INPP4B: variants seen among roughly 807,000 people sequenced by gnomAD.
INPP4B encodes inositol polyphosphate 4-phosphatase type II.
A neutral mutation model predicts 122.5 loss-of-function variants in INPP4B; 55 were observed. The ratio of observed to expected loss-of-function variants is 0.45; its 90% CI spans 0.36 to 0.56. The LOEUF (loss-of-function observed/expected upper bound fraction) is 0.56. INPP4B is among the 20% of genes least tolerant of loss of function. The probability of loss-of-function intolerance (pLI) is 0.00; values close to 1 mark genes in which losing one functional copy is unlikely to be tolerated. For missense variants in INPP4B, 1,000 were observed against 1,097.7 expected, an observed-to-expected ratio of 0.91 and a Z score of 1.26; for synonymous variants, 403 against 388.7, an observed-to-expected ratio of 1.04 and a Z score of -0.43.
intron 18 of INPP4B, among the ~76,000 whole-genome samples, chr4:142,128,342 TACACACACACACACACAC>T (rs3836673): frequency 3.4e-5 from 5 of 147,462 alleles, no homozygotes; most frequent in African/African-American, 5.1e-5. Context: ...CGTACTTTTA[TACACACACACACACACAC>T]ACACACACAC....
At chr4:142,179,691 T>A (rs1829971471) in intron 15 of INPP4B, among the ~76,000 whole-genome samples, 1 of 152,206 alleles carries the variant, frequency 6.6e-6, no homozygotes. Context: ...TCTAAACCAA[T>A]GAAACGTCTT....
At chr4:142,389,884 G>A (rs909923000) in intron 7 of INPP4B, among the ~76,000 whole-genome samples, 1 of 152,130 alleles carries the variant, frequency 6.6e-6, no homozygotes, top group African/African-American at 2.4e-5. Flanking sequence ...TTTGCCTAGA[G>A]GATGAAAGGA....
chr4:142,290,502 T>C (rs1228966291), intron 9 of INPP4B, among the ~76,000 whole-genome samples: 1 of 152,008 alleles, frequency 6.6e-6, no homozygotes, highest in African/African-American at 2.4e-5. Flanking sequence ...CACCGTGCCC[T>C]GCTGGCCTTA....
intron 2 of INPP4B, among the ~76,000 whole-genome samples, chr4:142,507,543 C>T (rs1018155695): frequency 2.0e-5 from 3 of 151,920 alleles, no homozygotes; most frequent in East Asian, 1.9e-4. Flanking sequence ...GTTCCTACTA[C>T]GTGTCAGGCC....
intron 2 of INPP4B, among the ~76,000 whole-genome samples, chr4:142,704,110 G>C (rs1245726057): frequency 6.6e-6 from 1 of 152,146 alleles, no homozygotes; most frequent in African/African-American, 2.4e-5. Context: ...GGATGCAACG[G>C]GATGGCAAGA....
chr4:142,154,150 T>C (rs1815915988), intron 17 of INPP4B, among the ~76,000 whole-genome samples: 1 of 152,000 alleles, frequency 6.6e-6, no homozygotes, highest in African/African-American at 2.4e-5. Context: ...GCTTTGAGTG[T>C]TCCCTCCTCC....
intron 12 of INPP4B, among the ~76,000 whole-genome samples, chr4:142,224,855 CAAGAT>C (rs2149753542): frequency 6.6e-6 from 1 of 151,876 alleles, no homozygotes; most frequent in South Asian, 2.1e-4. Context: ...CTGTGATATC[CAAGAT>C]AAGGCGCGTG....
At chr4:142,029,914 C>A in intron 25 of INPP4B, 1 of 1,227,852 alleles carries the variant, frequency 8.1e-7, no homozygotes, top group East Asian at 3.4e-5. Flanking sequence ...AGCTAGTTAA[C>A]AGTGGGAAAC....
At chr4:142,508,231 A>G (rs1394689998) in intron 2 of INPP4B, among the ~76,000 whole-genome samples, 2 of 151,948 alleles carry the variant, frequency 1.3e-5, no homozygotes, top group Non-Finnish European at 2.9e-5. Flanking sequence ...TGCCCCTACA[A>G]TCCTTTAGCA....
intron 23 of INPP4B, 96 bp from the exon 24 acceptor site, chr4:142,086,352 A>T (rs770377149): frequency 8.5e-6 from 6 of 707,792 alleles, no homozygotes; most frequent in Non-Finnish European, 1.5e-5. Context: ...TTGCAAACAC[A>T]ACTTTTCTTT....
At chr4:142,097,168 T>C (rs1782173941) in intron 23 of INPP4B, among the ~76,000 whole-genome samples, 1 of 151,976 alleles carries the variant, frequency 6.6e-6, no homozygotes, top group Non-Finnish European at 1.5e-5. Flanking sequence ...TTTTTATTTT[T>C]GTAAATACAT....
chr4:142,574,554 TCCGGA>T (rs1429580728), intron 2 of INPP4B, among the ~76,000 whole-genome samples: 2 of 152,072 alleles, frequency 1.3e-5, no homozygotes, highest in African/African-American at 4.8e-5. Flanking sequence ...AGTGAGTTTC[TCCGGA>T]AACACCATGT....
chr4:142,605,286 G>T (rs1740996395), intron 2 of INPP4B, among the ~76,000 whole-genome samples: 1 of 151,896 alleles, frequency 6.6e-6, no homozygotes, highest in Non-Finnish European at 1.5e-5. Flanking sequence ...TTAAATAGAA[G>T]ACATGTAACT....
intron 17 of INPP4B, among the ~76,000 whole-genome samples, chr4:142,157,581 A>G (rs1270560678): frequency 2.6e-5 from 4 of 152,134 alleles, no homozygotes; most frequent in Non-Finnish European, 4.4e-5. Flanking sequence ...GCAGCCCTTC[A>G]TTATTGCCCA....
chr4:142,537,553 C>A (rs1828436327), intron 2 of INPP4B, among the ~76,000 whole-genome samples: 1 of 150,346 alleles, frequency 6.7e-6, no homozygotes, highest in South Asian at 2.1e-4. Context: ...TAAAGTAAGT[C>A]CTCACCTAAT....
At chr4:142,472,480 T>G (rs1819029082) in intron 2 of INPP4B, among the ~76,000 whole-genome samples, 1 of 152,230 alleles carries the variant, frequency 6.6e-6, no homozygotes. Flanking sequence ...ATTATATGAC[T>G]GTTAAAAGTT....
intron 11 of INPP4B, among the ~76,000 whole-genome samples, chr4:142,238,569 T>C (rs1857662081): frequency 6.6e-6 from 1 of 152,096 alleles, no homozygotes; most frequent in Non-Finnish European, 1.5e-5. Context: ...AAAGGTTCAC[T>C]CTTTTGTCTT....
chr4:142,841,038 CT>C (rs146850655), intron 1 of INPP4B, among the ~76,000 whole-genome samples: 132 of 152,018 alleles, frequency 8.7e-4, no homozygotes, highest in Middle Eastern at 6.8e-3. Flanking sequence ...GAAATTTTTA[CT>C]TTTTTAAAAA....
intron 2 of INPP4B, among the ~76,000 whole-genome samples, chr4:142,471,973 A>AT (rs1322520441): frequency 5.3e-5 from 8 of 151,860 alleles, no homozygotes; most frequent in South Asian, 4.2e-4. Context: ...CCTACAAATT[A>AT]TTTTTTTTCA....
Sources: allele counts gnomAD v4.1 joint callset (sites outside exome capture counted in the v4.1 genomes callset), GRCh38; gene constraint gnomAD v4.1.1; transcripts MANE v1.5; gene names NCBI Gene and HGNC (gene_info 2026-07-23, HGNC 2026-07-21).